Variants in CAB39 observed in about 807,000 individuals in gnomAD.
CAB39 encodes calcium binding protein 39, also known as calcium-binding protein 39.
CAB39 carries 8 observed loss-of-function variants against 40.0 expected under a neutral mutation model. That is an observed-to-expected ratio of 0.20 (90% CI 0.12 to 0.36). The LOEUF (loss-of-function observed/expected upper bound fraction) is 0.36, where lower values mean the gene tolerates loss of function less well. Ranked by LOEUF, CAB39 falls within the 10% of genes least tolerant of loss-of-function variation. CAB39 has a pLI of 1.00. For missense variants in CAB39, 270 were observed against 401.1 expected, an observed-to-expected ratio of 0.67 and a Z score of 2.79; for synonymous variants, 156 against 141.6, an observed-to-expected ratio of 1.10 and a Z score of -0.72.
rs1391942243 is a variant in CAB39, at chr2:230,748,830, AAATATATATATATATATATAT to A, written c.-43-11127_-43-11107del. On this transcript the variant is annotated intron_variant, in intron 1 of 8. Transcript: ENST00000258418. ...TCCAAAAAGAAAAAAAAAAAAAAAA[AAATATATATATATATATATAT>A]ATATATATATATATATAACAAAATG... Among the ~76,000 whole-genome samples the A allele has an allele frequency of 2.7e-3, 137 of 50,660 alleles. 3 individuals are homozygous for A. The highest frequency in any genetic ancestry group is 0.012 in the African/African-American group (99 of 8,190). The allele number at this position is 50,660 out of a possible 152,430, so 33.2% of individuals were successfully genotyped here.
chr2:230,808,534 A>T (rs542638641), intron 5 of CAB39, among the ~76,000 whole-genome samples: 3 of 152,258 alleles, frequency 2.0e-5, no homozygotes, highest in Admixed American at 6.5e-5. Context: ...GGACCACGGT[A>T]CGAAGATAAT....
chr2:230,727,363 C>CCTGT (rs3221429), intron 1 of CAB39, among the ~76,000 whole-genome samples: 1 of 126,948 alleles, frequency 7.9e-6, no homozygotes, highest in African/African-American at 3.2e-5. Flanking sequence ...GATTGTTAAC[C>CCTGT]GTGTGTGTGT....
At chr2:230,720,870 C>T (rs527645445) in intron 1 of CAB39, among the ~76,000 whole-genome samples, 7 of 152,126 alleles carry the variant, frequency 4.6e-5, no homozygotes, top group Non-Finnish European at 1.0e-4. Flanking sequence ...AAACTCAGGC[C>T]GTTAACATGA....
chr2:230,726,125 AG>A (rs1327140530), intron 1 of CAB39, among the ~76,000 whole-genome samples: 2 of 152,174 alleles, frequency 1.3e-5, no homozygotes, highest in Admixed American at 6.6e-5. Flanking sequence ...AATATTTTCT[AG>A]GACTTGAAAG....
In CAB39 at chr2:230,756,655, C is replaced by CTGTTTGTT. The variant is rs527858587; in HGVS notation, c.-43-3302_-43-3295dup. The stretch of plus-strand genomic sequence containing the variant: ...TAAAAATAAAGAGGATAGTTTCTAA[C>CTGTTTGTT]TGTTTGTTTATTTATTTATTTATTT... On this transcript the variant is annotated intron_variant, in intron 1 of 8. Transcript: ENST00000258418. 1.6e-3 allele frequency among the ~76,000 whole-genome samples: 217 copies of CTGTTTGTT among 138,356 alleles called. 3 individuals are homozygous for CTGTTTGTT. The Middle Eastern group carries it at 0.021, about 14-fold the overall frequency. The allele number at this position is 138,356 out of a possible 152,430, so 90.8% of individuals were successfully genotyped here.
At chr2:230,747,004 A>G (rs1694988644) in intron 1 of CAB39, among the ~76,000 whole-genome samples, 1 of 152,194 alleles carries the variant, frequency 6.6e-6, no homozygotes, top group Non-Finnish European at 1.5e-5. Context: ...TTACGGGTAT[A>G]AGGAGGGTCT....
At chr2:230,793,061 T>C (rs1416505373) in intron 3 of CAB39, 152 bp from the exon 4 acceptor site, 2 of 547,040 alleles carry the variant, frequency 3.7e-6, no homozygotes, top group African/African-American at 3.9e-5. Flanking sequence ...GAATTACAAA[T>C]GAAGAGATAA....
At chr2:230,748,057 C>T (rs1252071537) in intron 1 of CAB39, among the ~76,000 whole-genome samples, 1 of 151,380 alleles carries the variant, frequency 6.6e-6, no homozygotes, top group Non-Finnish European at 1.5e-5. Flanking sequence ...AGAGAGGGCC[C>T]ATGCATTGTA....
At chr2:230,732,669 C>G (rs1694714808) in intron 1 of CAB39, among the ~76,000 whole-genome samples, 1 of 152,050 alleles carries the variant, frequency 6.6e-6, no homozygotes, top group South Asian at 2.1e-4. Flanking sequence ...AGAAAAAACT[C>G]GTGTTTAGAT....
chr2:230,766,531 G>GC (rs747310661), intron 2 of CAB39, among the ~76,000 whole-genome samples: 1 of 152,120 alleles, frequency 6.6e-6, no homozygotes, highest in Non-Finnish European at 1.5e-5. Flanking sequence ...CCTACCTCCA[G>GC]CACTAGGGTT....
chr2:230,791,970 G>A (rs1284713212), intron 3 of CAB39, among the ~76,000 whole-genome samples: 1 of 152,166 alleles, frequency 6.6e-6, no homozygotes, highest in Non-Finnish European at 1.5e-5. Context: ...CTGAGTGAGT[G>A]GATGTCTGTA....
At chr2:230,754,417 C>A (rs1234599156) in intron 1 of CAB39, among the ~76,000 whole-genome samples, 1 of 145,590 alleles carries the variant, frequency 6.9e-6, no homozygotes, top group Non-Finnish European at 1.5e-5. Context: ...CCTTCTTCCC[C>A]TTTCCCTCCT....
intron 2 of CAB39, among the ~76,000 whole-genome samples, chr2:230,767,681 G>A (rs1288303474): frequency 6.6e-6 from 1 of 152,126 alleles, no homozygotes; most frequent in African/African-American, 2.4e-5. Context: ...AATATTTACT[G>A]TCTATTCCTT....
chr2:230,779,315 T>TA (rs1695647849), intron 2 of CAB39: 1 of 152,210 alleles, frequency 6.6e-6, no homozygotes, highest in Non-Finnish European at 1.5e-5. Context: ...TCCCACCACA[T>TA]ACGGCTGCTC....
At chr2:230,734,583 CTG>C (rs1374714530) in intron 1 of CAB39, among the ~76,000 whole-genome samples, 1 of 152,170 alleles carries the variant, frequency 6.6e-6, no homozygotes. Context: ...TTGGTGGAGT[CTG>C]TCGTCTTCCC....
At chr2:230,742,941 T>C (rs1694908907) in intron 1 of CAB39, among the ~76,000 whole-genome samples, 1 of 152,248 alleles carries the variant, frequency 6.6e-6, no homozygotes, top group Non-Finnish European at 1.5e-5. Context: ...GTTTTGACTC[T>C]CAGACTGCCT....
At chr2:230,746,074 T>A (rs1048052730) in intron 1 of CAB39, among the ~76,000 whole-genome samples, 1 of 152,240 alleles carries the variant, frequency 6.6e-6, no homozygotes, top group African/African-American at 2.4e-5. Flanking sequence ...TATTTGTGAT[T>A]ACTGTGTTTA....
chr2:230,780,513 C>T (rs1695668537), intron 2 of CAB39, among the ~76,000 whole-genome samples: 1 of 152,214 alleles, frequency 6.6e-6, no homozygotes. Flanking sequence ...AACAGTTCCT[C>T]AGTCTTTCTT....
chr2:230,817,411 A>G (rs571841479), intron 7 of CAB39, among the ~76,000 whole-genome samples: 8 of 152,070 alleles, frequency 5.3e-5, no homozygotes, highest in Admixed American at 1.3e-4. Flanking sequence ...ACTTTTGACC[A>G]TTTTCTTGAA....
Sources: allele counts gnomAD v4.1 joint callset (sites outside exome capture counted in the v4.1 genomes callset), GRCh38; gene constraint gnomAD v4.1.1; transcripts MANE v1.5; gene names NCBI Gene and HGNC (gene_info 2026-07-23, HGNC 2026-07-21).